Variants in WDR90 observed in about 807,000 individuals in gnomAD.
WDR90 encodes the protein WD repeat-containing protein 90.
Under a neutral mutation model 195.2 loss-of-function variants are expected in WDR90, and 238 were observed. The observed-to-expected ratio is 1.22, with a 90% confidence interval of 1.10 to 1.36. The LOEUF (loss-of-function observed/expected upper bound fraction) is 1.36. WDR90 is among the 40% of genes most tolerant of loss of function. The probability of loss-of-function intolerance (pLI) is 0.00; values close to 1 mark genes in which losing one functional copy is unlikely to be tolerated. For synonymous variants in WDR90, 1,265 were observed against 1,052.4 expected, an observed-to-expected ratio of 1.20 and a Z score of -3.91; for missense variants, 2,734 against 2,439.5, an observed-to-expected ratio of 1.12 and a Z score of -2.54.
rs367711560 is a variant in WDR90, at chr16:649,846, G to T, written c.94G>T (p.Val32Leu). 121 of 1,581,016 alleles carry T rather than the reference G, an allele frequency of 7.7e-5. No individual in the cohort carries two copies. Among genetic ancestry groups the T allele is most frequent in the Non-Finnish European group, 9.9e-5 (115 of 1,163,942 alleles). Reference protein sequence around the residue: ...KRSAKQGDVAVVTDKTLKGAV... With the variant: ...KRSAKQGDVALVTDKTLKGAV... ...CTCCGCCAAGCAGGGGGACGTGGCC[G>T]TGGTCACGGTAGGCGGCCGGGGGCT... The change falls in exon 2 of 41, where the codon GTG (valine) becomes TTG (leucine). Residue 32 changes from valine to leucine, a missense_variant. Val to Leu is a conservative substitution (Grantham distance 32). Coordinates refer to ENST00000293879, the MANE Select transcript of WDR90 (RefSeq NM_145294.5).
At position 649,771 on chromosome 16, in the gene WDR90, C is replaced by A; in HGVS notation, c.19C>A (p.His7Asn). 1 of 1,560,296 alleles carries A rather than the reference C, an allele frequency of 6.4e-7. No individual in the cohort carries two copies. The highest frequency in any genetic ancestry group is 1.2e-5 in the South Asian group (1 of 85,162). ...GCGCCCGCTCCCCGCAGCGTGGCAGCACCCGTTCCTCAACGTCTTCAGACA... is the reference window on the plus strand; with the variant it reads ...GCGCCCGCTCCCCGCAGCGTGGCAGAACCCGTTCCTCAACGTCTTCAGACA... MARAWQ[H>N]PFLNVFRHFR... Residue 7 changes from histidine (H) to asparagine (N), a missense_variant, in exon 2 of 41, where the codon CAC becomes AAC. By Grantham distance (68) the His-to-Asn change is moderately conservative (BLOSUM62 1). Transcript: ENST00000293879.
chr16:659,970 G>A lies in WDR90; in HGVS notation c.3185-88G>A, dbSNP rs1213427074. On this transcript the variant is annotated intron_variant, in intron 26 of 40. Coordinates refer to ENST00000293879, the MANE Select transcript of WDR90 (RefSeq NM_145294.5). Reference sequence around the variant, plus strand: ...GCAGTTCTCACTGTGTGGTAGACCAGGGGCTTGTGGGGAGACTGCGTGTAG... The same window carrying A: ...GCAGTTCTCACTGTGTGGTAGACCAAGGGCTTGTGGGGAGACTGCGTGTAG... The A allele has an allele frequency of 4.9e-6, 5 of 1,018,062 alleles. No homozygotes were observed. In the African/African-American group the frequency reaches 6.5e-5, roughly 13 times the overall value. The allele number at this position is 1,018,062 out of a possible 1,614,324, so 63.1% of individuals were successfully genotyped here. A position where few individuals can be genotyped will look rare whatever the true frequency, so the allele number is the denominator to read the frequency against.
In WDR90 at chr16:656,810, T is replaced by G. The variant is rs777546316; in HGVS notation, c.2281T>G (p.Phe761Val). 5.6e-6 allele frequency: 9 copies of G among 1,612,998 alleles called. No individual in the cohort carries two copies. The highest frequency in any genetic ancestry group is 7.6e-6 in the Non-Finnish European group (9 of 1,179,978). The change falls in exon 19 of 41, where the codon TTT becomes GTT. Residue 761 changes from phenylalanine (F) to valine (V), a missense_variant. By Grantham distance (50) the Phe-to-Val change is conservative. Coordinates refer to ENST00000293879, the MANE Select transcript of WDR90 (RefSeq NM_145294.5). ...HPTRPTFFCG[F>V]SSGAVRSFSL... The stretch of plus-strand genomic sequence containing the variant: ...CACAAGGCCAACCTTTTTCTGTGGC[T>G]TTAGCAGTGGGGCCGTGCGCTCCTT...
chr16:666,565 C>T lies in WDR90; in HGVS notation c.4851C>T (p.Asp1617=), dbSNP rs368791769. 2.2e-5 allele frequency: 36 copies of T among 1,612,620 alleles called. No homozygotes were observed. The highest frequency in any genetic ancestry group is 3.0e-5 in the Non-Finnish European group (35 of 1,179,940). ...TGCGGAACCACTGTGAGCTTGTGGA[C>T]TGGTTGAGTTTCCCAATGCCTGCCA... ...DWLRNHCELV[D]WLSFPMPATT... The change falls in exon 38 of 41, where the codon GAC becomes GAT. Residue 1617 remains aspartate, a synonymous_variant. Transcript: ENST00000293879.
chr16:660,829 G>T (rs898643101), intron 28 of WDR90, 115 bp downstream of exon 28: 11 of 1,213,902 alleles, frequency 9.1e-6, no homozygotes, highest in Admixed American at 5.3e-5. Context: ...ATCAGTGTGG[G>T]GCTCTGTTCT....
chr16:650,281 T>C lies in WDR90; in HGVS notation c.307T>C (p.Ser103Pro), dbSNP rs751018460. Residue 103 changes from serine (S) to proline (P), a missense_variant, in exon 4 of 41, where the codon TCC becomes CCC. Transcript: ENST00000293879. ...CAACCAAGTCATCCGTGTGTCTTTC[T>C]CCAACCTCTTCAAGGAGTTTAAGTC... Reference protein sequence around the residue: ...KDNQVIRVSFSNLFKEFKSTA... With the variant: ...KDNQVIRVSFPNLFKEFKSTA... 6 of 1,612,964 alleles carry C rather than the reference T, an allele frequency of 3.7e-6. No homozygotes were observed. In the East Asian group the frequency reaches 1.3e-4, roughly 36 times the overall value.
In WDR90 at chr16:657,800, G is replaced by T. The variant is rs141141695; in HGVS notation, c.2512G>T (p.Ala838Ser). 1 of 1,556,814 alleles carries T rather than the reference G, an allele frequency of 6.4e-7. No individual in the cohort carries two copies. The highest frequency in any genetic ancestry group is 1.2e-5 in the South Asian group (1 of 84,650). The change falls in exon 21 of 41, where the codon GCC (alanine) becomes TCC (serine). Residue 838 changes from alanine (A) to serine (S), a missense_variant. By Grantham distance (99) the Ala-to-Ser change is moderately conservative (BLOSUM62 1). Transcript: ENST00000293879. ...VCPDAPASPS[A>S]LAVSRDGRLL... is the part of the protein sequence containing the mutation. The stretch of plus-strand genomic sequence containing the variant: ...CCCGGATGCCCCCGCGAGCCCCAGC[G>T]CCCTGGCAGTCAGCAGGGATGGCCG...
chr16:660,990 G>GGCCCC, intron 28 of WDR90, 61 bp from the exon 29 acceptor site: 1 of 21,754 alleles, frequency 4.6e-5, no homozygotes, highest in Non-Finnish European at 6.6e-5. Context: ...CCCTCCCCAG[G>GGCCCC]CCCCTCCCCG....
Position 666,340 on chromosome 16 carries a change from C to T in WDR90, c.4730C>T (p.Thr1577Met), listed in dbSNP as rs780986267. The change falls in exon 37 of 41, where the codon ACG (threonine) becomes ATG (methionine). Residue 1577 changes from threonine to methionine, a missense_variant. Thr to Met is a moderately conservative substitution (Grantham distance 81). Transcript: ENST00000293879. ...QGAPISTICV[T>M]CKECEDLGVE... ...GCCCCAATCTCTACCATCTGTGTCA[C>T]GTGCAAAGAGGTAAAGCAGCCCCAA... 4 of 1,612,710 alleles carry T rather than the reference C, an allele frequency of 2.5e-6. No individual in the cohort carries two copies. Among genetic ancestry groups the T allele is most frequent in the African/African-American group, 2.7e-5 (2 of 75,060 alleles).
intron 34 of WDR90, chr16:665,383 T>C (rs367655147): frequency 1.7e-6 from 1 of 580,520 alleles, no homozygotes; most frequent in Non-Finnish European, 3.1e-6. Flanking sequence ...TGTAGCCTGC[T>C]AGGGATGCAC....
chr16:664,209 G>T (rs542042986), intron 34 of WDR90, among the ~76,000 whole-genome samples: 2 of 152,096 alleles, frequency 1.3e-5, no homozygotes, highest in Non-Finnish European at 2.9e-5. Flanking sequence ...AACCCCGTGC[G>T]TGCCTGTTCC....
At chr16:650,414 TG>T (rs1192874498) in intron 4 of WDR90, 52 bp downstream of exon 4, 5 of 1,596,170 alleles carry the variant, frequency 3.1e-6, no homozygotes, top group Non-Finnish European at 4.3e-6. Flanking sequence ...TGGAGGGAGT[TG>T]GTGCAGGCCC....
At position 651,991 on chromosome 16, in the gene WDR90, G is replaced by A; in HGVS notation, c.1005G>A (p.Leu335=). Reference sequence around the variant, plus strand: ...CGGCTGCTGCCGGCACCCACGTGTTGACTCACGAGTCGGCTGAGGTGCCCG... The same window carrying A: ...CGGCTGCTGCCGGCACCCACGTGTTAACTCACGAGTCGGCTGAGGTGCCCG... ...IHTAAAGTHV[L]THESAEVPVA... Residue 335 remains leucine, a synonymous_variant, in exon 9 of 41, where the codon TTG becomes TTA. Transcript: ENST00000293879. The A allele has an allele frequency of 6.2e-7, 1 of 1,606,346 alleles. No individual in the cohort carries two copies.
rs1234122697 is a variant in WDR90 at position 653,552 on chromosome 16, A to C, written c.1261A>C (p.Ser421Arg). 2 of 1,613,374 alleles carry C rather than the reference A, an allele frequency of 1.2e-6. No individual in the cohort carries two copies. The highest frequency in any genetic ancestry group is 2.7e-5 in the African/African-American group (2 of 74,944). ...CTCCGCCCTGGCGCTGGATGGCAGCAGCTCACTATTGGCCTCGGCCCAGGC... is the reference window on the plus strand; with the variant it reads ...CTCCGCCCTGGCGCTGGATGGCAGCCGCTCACTATTGGCCTCGGCCCAGGC... Reference protein sequence around the residue: ...KVSALALDGSSSLLASAQARA... With the variant: ...KVSALALDGSRSLLASAQARA... Residue 421 changes from serine to arginine, a missense_variant, in exon 12 of 41, where the codon AGC becomes CGC. By Grantham distance (110) the Ser-to-Arg change is moderately radical. Transcript: ENST00000293879.
chr16:650,766 A>G, intron 5 of WDR90, 57 bp downstream of exon 5: 1 of 1,581,260 alleles, frequency 6.3e-7, no homozygotes, highest in Non-Finnish European at 8.6e-7. Flanking sequence ...TCAGCCCTGG[A>G]GAGGCCCAAG....
At chr16:658,787 G>T in intron 23 of WDR90, 109 bp from the exon 24 acceptor site, 1 of 1,555,974 alleles carries the variant, frequency 6.4e-7, no homozygotes, top group Non-Finnish European at 8.7e-7. Context: ...AGGATCCTCT[G>T]TGCCTCCGGG....
In WDR90 at chr16:656,539, TG is replaced by T; in HGVS notation, c.2202+6del. ...TGGGACCTGGCCACCCTGCAGCAGG[TG>T]GGGTTTGGCAGGGGCAGCACGGCAG... On this transcript the variant is annotated splice_donor_region_variant and intron_variant, in intron 18 of 40. Coordinates refer to ENST00000293879, the MANE Select transcript of WDR90 (RefSeq NM_145294.5). 1 of 1,565,020 alleles carries T rather than the reference TG, an allele frequency of 6.4e-7. No individual in the cohort carries two copies. The highest frequency in any genetic ancestry group is 8.6e-7 in the Non-Finnish European group (1 of 1,157,030).
chr16:653,786 G>A lies in WDR90; in HGVS notation c.1420G>A (p.Asp474Asn). The A allele has an allele frequency of 1.2e-6, 2 of 1,613,206 alleles. No homozygotes were observed. The highest frequency in any genetic ancestry group is 2.2e-5 in the South Asian group (2 of 91,086). ...SGALLCGVGK[D>N]HHGRTMVVAW... ...GGCCCTTCTCTGCGGGGTTGGCAAG[G>A]ACCACCACGGGAGGACGGTAACAGG... The change falls in exon 13 of 41, where the codon GAC becomes AAC. Residue 474 changes from aspartate (D) to asparagine (N), a missense_variant. Physicochemically the swap from Asp to Asn is conservative, Grantham distance 23. Transcript: ENST00000293879.
rs1216245878 is a variant in WDR90, at chr16:658,997, G to A, written c.2997G>A (p.Leu999=). The A allele has an allele frequency of 1.9e-6, 3 of 1,613,070 alleles. No individual in the cohort carries two copies. The Admixed American group carries it at 5.0e-5, about 27-fold the overall frequency. The change falls in exon 24 of 41, where the codon CTG becomes CTA. Residue 999 remains leucine (L), a synonymous_variant. Coordinates refer to ENST00000293879, the MANE Select transcript of WDR90 (RefSeq NM_145294.5). The stretch of plus-strand genomic sequence containing the variant: ...ACGCCGTCTTCCTCTGGGATGTCCT[G>A]GCCCCTACTGAGAGGCAAGTGCCTA... ...AGDAVFLWDV[L]APTESDQSFP...
Sources: gnomAD v4.1 joint callset for allele counts (sites outside exome capture counted in the v4.1 genomes callset) on GRCh38, gnomAD v4.1.1 for gene constraint, MANE v1.5 for transcripts, NCBI Gene and HGNC (gene_info 2026-07-23, HGNC 2026-07-21) for gene names.